The following RARB variants were observed in gnomAD, a reference collection of about 807,000 sequenced individuals.
RARB encodes retinoic acid receptor beta.
In RARB, 17 loss-of-function variants were observed where a neutral mutation model predicts 51.9. The ratio of observed to expected loss-of-function variants is 0.33; its 90% CI spans 0.22 to 0.49. The LOEUF is 0.49. RARB is among the 20% of genes least tolerant of loss of function. The probability of loss-of-function intolerance (pLI) is 0.99; values close to 1 mark genes in which losing one functional copy is unlikely to be tolerated. For missense variants in RARB, 369 were observed against 550.8 expected (o/e 0.67, Z 3.30); for synonymous variants, 215 against 195.4 (o/e 1.10, Z -0.84).
chr3:24,998,133 C>T (rs1490931488), intron 2 of RARB, among the ~76,000 whole-genome samples: 1 of 151,978 alleles, frequency 6.6e-6, no homozygotes, highest in African/African-American at 2.4e-5. Context: ...CTTTCAGAAT[C>T]CATTTCAATA....
intron 5 of RARB, among the ~76,000 whole-genome samples, chr3:25,332,928 T>A (rs1375259284): frequency 6.6e-6 from 1 of 152,164 alleles, no homozygotes; most frequent in African/African-American, 2.4e-5. Flanking sequence ...CATTCACAAT[T>A]GCTTCAAAGA....
intron 2 of RARB, among the ~76,000 whole-genome samples, chr3:24,974,142 T>A (rs1177805446): frequency 6.6e-6 from 1 of 152,118 alleles, no homozygotes; most frequent in South Asian, 2.1e-4. Flanking sequence ...CCCAGTTTTT[T>A]ATGGTTTTAA....
At chr3:25,272,546 A>G (rs1039912222) in intron 5 of RARB, among the ~76,000 whole-genome samples, 2 of 152,172 alleles carry the variant, frequency 1.3e-5, no homozygotes, top group African/African-American at 4.8e-5. Context: ...ATTCTCAACT[A>G]CATATTAGAA....
intron 3 of RARB, among the ~76,000 whole-genome samples, chr3:25,553,150 T>A (rs531094649): frequency 9.0e-6 from 1 of 110,780 alleles, no homozygotes; most frequent in Admixed American, 9.8e-5. Context: ...CCTGCCATCT[T>A]TTGCTTTTTT....
In RARB at chr3:25,201,256, C is replaced by CT. The variant is rs565015814; in HGVS notation, c.178+26683dup. 7.2e-3 allele frequency among the ~76,000 whole-genome samples: 1,092 copies of CT among 152,250 alleles called. 13 individuals are homozygous for CT. The highest frequency in any genetic ancestry group is 0.02 in the Middle Eastern group (6 of 294). ...TTTCTGTTATTGCTGTATAAGAATG[C>CT]TTGTGATTTTTGCACATTGATTTTA... On this transcript the variant is annotated intron_variant, in intron 5 of 11. Transcript: ENST00000383772.
intron 2 of RARB, among the ~76,000 whole-genome samples, chr3:24,869,139 TATTC>T (rs1467000518): frequency 6.6e-6 from 1 of 152,274 alleles, no homozygotes; most frequent in Non-Finnish European, 1.5e-5. Flanking sequence ...TATAGTCTCT[TATTC>T]ATTTATGTAT....
intron 2 of RARB, among the ~76,000 whole-genome samples, chr3:24,962,975 T>G (rs181264385): frequency 6.6e-6 from 1 of 152,322 alleles, no homozygotes; most frequent in East Asian, 1.9e-4. Context: ...ATCCATAATT[T>G]AATCCCTTCA....
chr3:25,309,375 G>A (rs569204291), intron 5 of RARB, among the ~76,000 whole-genome samples: 7 of 149,900 alleles, frequency 4.7e-5, no homozygotes, highest in Admixed American at 2.7e-4. Context: ...TCCTGACCTC[G>A]TGATCCACCT....
intron 5 of RARB, among the ~76,000 whole-genome samples, chr3:25,353,454 G>T (rs1415954742): frequency 6.6e-6 from 1 of 152,132 alleles, no homozygotes; most frequent in Non-Finnish European, 1.5e-5. Context: ...TATCAATACA[G>T]ATTCCTATGA....
At chr3:25,104,978 C>T (rs771207523) in intron 3 of RARB, among the ~76,000 whole-genome samples, 2 of 152,048 alleles carry the variant, frequency 1.3e-5, no homozygotes, top group African/African-American at 4.8e-5. Context: ...ATGAGGGTCA[C>T]GAGTGCTTGT....
chr3:24,934,520 T>G (rs551507625), intron 2 of RARB, among the ~76,000 whole-genome samples: 1 of 152,162 alleles, frequency 6.6e-6, no homozygotes, highest in South Asian at 2.1e-4. Flanking sequence ...CTATAAATTA[T>G]ATAAGAATAA....
intron 2 of RARB, among the ~76,000 whole-genome samples, chr3:24,861,316 A>G (rs1287764901): frequency 6.6e-6 from 1 of 152,168 alleles, no homozygotes; most frequent in Non-Finnish European, 1.5e-5. Flanking sequence ...GAGACTTAGC[A>G]TCATGAATTT....
At position 25,484,479 on chromosome 3, in the gene RARB, C is replaced by T. The variant is rs142940081; in HGVS notation, c.307-16703C>T. Among the ~76,000 whole-genome samples the T allele has an allele frequency of 8.2e-4, 124 of 151,960 alleles. 2 individuals carry two copies. In the East Asian group the frequency reaches 0.017, roughly 21 times the overall value. ...CTACAAAATATACATATGTTTTAGC[C>T]AGGGGTTGTCAAATTATGGCCCATA... On this transcript the variant is annotated intron_variant, in intron 2 of 7. Transcript: ENST00000330688.
At chr3:25,550,941 A>T (rs961519937) in intron 3 of RARB, among the ~76,000 whole-genome samples, 1 of 152,206 alleles carries the variant, frequency 6.6e-6, no homozygotes, top group Non-Finnish European at 1.5e-5. Context: ...ACGACTGCAT[A>T]GTATTCCAGG....
chr3:25,055,700 C>T (rs537170209), intron 2 of RARB, among the ~76,000 whole-genome samples: 1 of 151,962 alleles, frequency 6.6e-6, no homozygotes, highest in South Asian at 2.1e-4. Flanking sequence ...CAGTAGCAAG[C>T]GTAGTTACAT....
intron 2 of RARB, among the ~76,000 whole-genome samples, chr3:25,017,788 C>G (rs998028388): frequency 6.6e-6 from 1 of 152,134 alleles, no homozygotes; most frequent in Admixed American, 6.6e-5. Context: ...ATCCTTAATG[C>G]TATGGTCTGA....
At chr3:25,130,288 A>G (rs1699924979) in intron 3 of RARB, among the ~76,000 whole-genome samples, 1 of 151,980 alleles carries the variant, frequency 6.6e-6, no homozygotes, top group Admixed American at 6.6e-5. Context: ...CCAAAACCCT[A>G]CTTGTCTTTT....
chr3:25,530,008 C>T (rs1698829749), intron 3 of RARB, among the ~76,000 whole-genome samples: 1 of 152,130 alleles, frequency 6.6e-6, no homozygotes, highest in African/African-American at 2.4e-5. Context: ...CCTCCCCTCC[C>T]TGAGCAACCC....
chr3:24,983,293 T>C (rs1481207561), intron 2 of RARB, among the ~76,000 whole-genome samples: 1 of 152,160 alleles, frequency 6.6e-6, no homozygotes, highest in Admixed American at 6.5e-5. Context: ...GTTTGTTTTT[T>C]TTTTCACTGC....
Sources: gnomAD v4.1 joint callset for allele counts (sites outside exome capture counted in the v4.1 genomes callset) on GRCh38, gnomAD v4.1.1 for gene constraint, MANE v1.5 for transcripts, NCBI Gene and HGNC (gene_info 2026-07-23, HGNC 2026-07-21) for gene names.